NAV2: variants seen among roughly 807,000 people sequenced by gnomAD.
NAV2 encodes helicase, APC down-regulated 1.
Under a neutral mutation model 223.2 loss-of-function variants are expected in NAV2, and 54 were observed. The observed-to-expected ratio is 0.24, with a 90% CI of 0.19 to 0.30. The LOEUF (loss-of-function observed/expected upper bound fraction) is 0.30, where lower values mean the gene tolerates loss of function less well. Ranked by LOEUF, NAV2 falls within the 10% of genes least tolerant of loss-of-function variation. The pLI, the probability that NAV2 is intolerant of heterozygous loss-of-function variation, is 1.00. For missense variants in NAV2, 2,806 were observed against 3,147.5 expected (o/e 0.89, Z 2.60); for synonymous variants, 1,279 against 1,239.3 (o/e 1.03, Z -0.67).
Position 19,945,115 on chromosome 11 carries a change from C to CTT in NAV2, c.2147-1285_2147-1284insTT, listed in dbSNP as rs1555162843. Among the ~76,000 whole-genome samples, 6 of 129,420 alleles carry CTT rather than the reference C, an allele frequency of 4.6e-5. No individual in the cohort carries two copies. The Admixed American group carries it at 5.3e-4, about 11-fold the overall frequency. The allele number at this position is 129,420 out of a possible 152,430, so 84.9% of individuals were successfully genotyped here. On this transcript the variant is annotated intron_variant, in intron 8 of 37. Coordinates refer to ENST00000349880, the MANE Select transcript of NAV2 (RefSeq NM_145117.5). ...CTTCTCTTCTCTTCTTTCTTTTTTT[C>CTT]TCTTTCTTTCTTTCTTTCTTTCTTC...
chr11:19,497,689 A>AGGTG (rs1564987731), intron 1 of NAV2, among the ~76,000 whole-genome samples: 1 of 152,036 alleles, frequency 6.6e-6, no homozygotes, highest in Non-Finnish European at 1.5e-5. Context: ...TTGCTAACCT[A>AGGTG]CAGGTGAGCC....
chr11:19,753,881 C>A (rs955440109), intron 1 of NAV2, among the ~76,000 whole-genome samples: 3 of 152,320 alleles, frequency 2.0e-5, no homozygotes, highest in Non-Finnish European at 4.4e-5. Context: ...CCATTTTAGG[C>A]CATGATTGGT....
intron 1 of NAV2, among the ~76,000 whole-genome samples, chr11:19,547,212 T>C (rs1441826812): frequency 1.3e-5 from 2 of 152,182 alleles, no homozygotes; most frequent in African/African-American, 2.4e-5. Context: ...CAGTTGTTCG[T>C]TGAAGTAGCC....
At chr11:19,709,137 T>A (rs572621694), upstream of NAV2, among the ~76,000 whole-genome samples, 4 of 151,966 alleles carry the variant, frequency 2.6e-5, no homozygotes, top group East Asian at 5.8e-4. Flanking sequence ...CTTATAATTA[T>A]CTCATTTATC....
intron 1 of NAV2, among the ~76,000 whole-genome samples, chr11:19,421,127 C>T (rs1260682950): frequency 6.6e-6 from 1 of 152,184 alleles, no homozygotes; most frequent in Non-Finnish European, 1.5e-5. Flanking sequence ...GTCGATGGAC[C>T]TGCCTTTCCC....
chr11:19,513,981 G>T (rs1277881151), intron 1 of NAV2, among the ~76,000 whole-genome samples: 1 of 152,182 alleles, frequency 6.6e-6, no homozygotes. Context: ...CTTGATTCTG[G>T]ACTTCTAGCC....
intron 1 of NAV2, among the ~76,000 whole-genome samples, chr11:19,514,519 C>A (rs551805839): frequency 6.6e-6 from 1 of 152,218 alleles, no homozygotes; most frequent in Non-Finnish European, 1.5e-5. Context: ...CCAGAGTACA[C>A]TTTCTCCGCA....
At chr11:19,514,461 C>T (rs1390318470) in intron 1 of NAV2, among the ~76,000 whole-genome samples, 49 of 152,332 alleles carry the variant, frequency 3.2e-4, no homozygotes, top group Admixed American at 3.1e-3. Flanking sequence ...CCAATTCTCC[C>T]CTTTAGGCCA....
At chr11:19,604,168 A>C (rs953144700) in intron 1 of NAV2, among the ~76,000 whole-genome samples, 1 of 152,210 alleles carries the variant, frequency 6.6e-6, no homozygotes, top group Non-Finnish European at 1.5e-5. Context: ...TAAGCAGAGG[A>C]GAAACATCGT....
At chr11:19,398,308 G>T (rs1239204483) in intron 1 of NAV2, among the ~76,000 whole-genome samples, 4 of 152,116 alleles carry the variant, frequency 2.6e-5, no homozygotes, top group Non-Finnish European at 5.9e-5. Flanking sequence ...ACTCACTATT[G>T]CTAGGAGAGC....
chr11:19,839,451 G>A (rs1168279246), intron 2 of NAV2, among the ~76,000 whole-genome samples: 1 of 152,190 alleles, frequency 6.6e-6, no homozygotes, highest in African/African-American at 2.4e-5. Flanking sequence ...TCTTAGAAGT[G>A]GGAAGACCTG....
At chr11:19,471,415 G>A (rs1159942990) in intron 1 of NAV2, among the ~76,000 whole-genome samples, 3 of 152,198 alleles carry the variant, frequency 2.0e-5, no homozygotes, top group East Asian at 1.9e-4. Flanking sequence ...AGAAGCGACA[G>A]CAATAACTAT....
At chr11:19,821,399 A>AT (rs542688697) in intron 1 of NAV2, among the ~76,000 whole-genome samples, 44 of 151,650 alleles carry the variant, frequency 2.9e-4, no homozygotes, top group Non-Finnish European at 4.7e-4. Context: ...AGCCTGGTTT[A>AT]TTTTTTTTAA....
intron 1 of NAV2, among the ~76,000 whole-genome samples, chr11:19,668,671 C>T (rs1457323210): frequency 6.6e-6 from 1 of 151,942 alleles, no homozygotes; most frequent in Non-Finnish European, 1.5e-5. Context: ...TCATTCAGGC[C>T]CTTGACTCAT....
intron 11 of NAV2, among the ~76,000 whole-genome samples, chr11:20,020,340 TTA>T (rs780819913): frequency 6.6e-6 from 1 of 152,214 alleles, no homozygotes; most frequent in Non-Finnish European, 1.5e-5. Flanking sequence ...GAGAAAAGTG[TTA>T]TGAGTTCTGG....
chr11:19,350,829 T>G (rs1159083375), exon 1 of NAV2: 31 of 902,270 alleles, frequency 3.4e-5, no homozygotes, highest in Non-Finnish European at 5.5e-5. Flanking sequence ...GAGGTGGTGC[T>G]GATTTCCTTG....
intron 8 of NAV2, among the ~76,000 whole-genome samples, chr11:19,942,085 A>T (rs2065030219): frequency 6.6e-6 from 1 of 152,214 alleles, no homozygotes; most frequent in Non-Finnish European, 1.5e-5. Context: ...AGATCGCTAC[A>T]GGTAGACACT....
intron 1 of NAV2, among the ~76,000 whole-genome samples, chr11:19,627,367 C>T (rs2047201012): frequency 1.3e-5 from 2 of 151,632 alleles, no homozygotes; most frequent in Admixed American, 1.3e-4. Context: ...CCAGCCTGGA[C>T]AACAGAGCGA....
intron 1 of NAV2, among the ~76,000 whole-genome samples, chr11:19,416,840 T>C (rs1210161400): frequency 1.3e-5 from 2 of 152,128 alleles, no homozygotes; most frequent in Non-Finnish European, 2.9e-5. Flanking sequence ...AAACAAGCAA[T>C]GGGGAAAGGA....
Sources: allele counts gnomAD v4.1 joint callset (sites outside exome capture counted in the v4.1 genomes callset), GRCh38; gene constraint gnomAD v4.1.1; transcripts MANE v1.5; gene names NCBI Gene and HGNC (gene_info 2026-07-23, HGNC 2026-07-21).